PLXDC2: variants seen among roughly 807,000 people sequenced by gnomAD.
The protein encoded by PLXDC2 is plexin domain containing 2.
PLXDC2 carries 40 observed loss-of-function variants against 68.9 expected under a neutral mutation model. That is an observed-to-expected ratio of 0.58 (90% CI 0.45 to 0.76). The LOEUF (loss-of-function observed/expected upper bound fraction) is 0.76. Among genes scored for constraint, PLXDC2 ranks in the 30% least tolerant of loss-of-function variants. PLXDC2 has a pLI of 0.00. For synonymous variants in PLXDC2, 243 were observed against 234.2 expected (o/e 1.04, Z -0.34); for missense variants, 644 against 661.9 (o/e 0.97, Z 0.30).
At chr10:20,232,264 A>T (rs1835375062) in intron 12 of PLXDC2, among the ~76,000 whole-genome samples, 1 of 152,118 alleles carries the variant, frequency 6.6e-6, no homozygotes, top group Admixed American at 6.6e-5. Context: ...TACATTTCTG[A>T]TTGGAGTGTG....
intron 1 of PLXDC2, among the ~76,000 whole-genome samples, chr10:19,983,411 T>G (rs1205146092): frequency 1.3e-5 from 2 of 152,114 alleles, no homozygotes; most frequent in Non-Finnish European, 2.9e-5. Flanking sequence ...CTTCCTAAGG[T>G]TTTGTATTGT....
intron 1 of PLXDC2, among the ~76,000 whole-genome samples, chr10:19,933,305 C>A (rs147706496): frequency 1.4e-4 from 21 of 152,214 alleles, no homozygotes; most frequent in Middle Eastern, 6.8e-3. Context: ...TCAACTACAG[C>A]TTTTTATTTT....
At chr10:20,260,569 C>A (rs1835796876) in intron 13 of PLXDC2, among the ~76,000 whole-genome samples, 1 of 152,182 alleles carries the variant, frequency 6.6e-6, no homozygotes. Context: ...TGTACATATG[C>A]CACATGTTGT....
intron 4 of PLXDC2, among the ~76,000 whole-genome samples, chr10:20,103,182 ATTTTAAT>A (rs1833445132): frequency 6.6e-6 from 1 of 152,200 alleles, no homozygotes; most frequent in African/African-American, 2.4e-5. Context: ...CCCCCAAAAT[ATTTTAAT>A]TTTTATTTAT....
At chr10:20,064,905 GT>G (rs1299640989) in intron 3 of PLXDC2, among the ~76,000 whole-genome samples, 1 of 1,046 alleles carries the variant, frequency 9.6e-4, no homozygotes, top group Non-Finnish European at 1.6e-3. Flanking sequence ...TGTTTTGTTT[GT>G]TTGGTTTTTT....
chr10:20,174,200 T>C (rs1412200682), intron 7 of PLXDC2, among the ~76,000 whole-genome samples: 2 of 152,122 alleles, frequency 1.3e-5, no homozygotes, highest in African/African-American at 4.8e-5. Flanking sequence ...ATTTATTTAT[T>C]GATAAGAACT....
chr10:20,099,853 G>T, intron 4 of PLXDC2, among the ~76,000 whole-genome samples: 1 of 151,910 alleles, frequency 6.6e-6, no homozygotes, highest in South Asian at 2.1e-4. Flanking sequence ...TCATTTTAAA[G>T]TAGACATTTA....
intron 9 of PLXDC2, among the ~76,000 whole-genome samples, chr10:20,179,808 A>T (rs1232892057): frequency 6.6e-6 from 1 of 152,202 alleles, no homozygotes; most frequent in East Asian, 1.9e-4. Context: ...ATCAAACTTA[A>T]CATTTTCACA....
At chr10:19,928,589 A>C (rs147881152) in intron 1 of PLXDC2, among the ~76,000 whole-genome samples, 34 of 152,234 alleles carry the variant, frequency 2.2e-4, no homozygotes, top group African/African-American at 7.2e-4. Context: ...TCCCGTGATG[A>C]AGTGTGCCAG....
chr10:19,863,138 T>C (rs1837346322), intron 1 of PLXDC2, among the ~76,000 whole-genome samples: 1 of 152,206 alleles, frequency 6.6e-6, no homozygotes, highest in South Asian at 2.1e-4. Context: ...CATGTCATAT[T>C]TCAATTTTTA....
chr10:19,963,786 T>C (rs1404527405), intron 1 of PLXDC2, among the ~76,000 whole-genome samples: 2 of 151,792 alleles, frequency 1.3e-5, no homozygotes, highest in African/African-American at 4.8e-5. Flanking sequence ...TGTATACATA[T>C]GTAACAAACC....
rs33975315 is a variant in PLXDC2, at chr10:19,960,190, C to CA, written c.113-41560dup. Among the ~76,000 whole-genome samples, 513 of 87,244 alleles carry CA rather than the reference C, an allele frequency of 5.9e-3. 6 individuals carry two copies. Among genetic ancestry groups the CA allele is most frequent in the African/African-American group, 0.019 (404 of 21,126 alleles). The allele number at this position is 87,244 out of a possible 152,430, so 57.2% of individuals were successfully genotyped here. ...CTGGCAACATATCTAGAGCTCGTCT[C>CA]AAAAAAAAAAAAAAAAAAAAAAAAA... On this transcript the variant is annotated intron_variant, in intron 1 of 13. Transcript: ENST00000377252.
At chr10:20,263,255 G>A (rs140001660) in intron 13 of PLXDC2, among the ~76,000 whole-genome samples, 3 of 151,970 alleles carry the variant, frequency 2.0e-5, no homozygotes, top group African/African-American at 7.3e-5. Flanking sequence ...TAAACAATGG[G>A]GAAAAGACTC....
intron 1 of PLXDC2, among the ~76,000 whole-genome samples, chr10:19,937,812 G>GA (rs1564633629): frequency 1.4e-4 from 22 of 152,018 alleles, no homozygotes; most frequent in Admixed American, 3.9e-4. Flanking sequence ...CTGGTCAGAT[G>GA]GACATATGAG....
chr10:20,135,054 G>A (rs1833916983), intron 4 of PLXDC2, among the ~76,000 whole-genome samples: 1 of 152,134 alleles, frequency 6.6e-6, no homozygotes. Flanking sequence ...CCACTTAGGT[G>A]CTATAATCTC....
intron 1 of PLXDC2, among the ~76,000 whole-genome samples, chr10:19,958,443 C>T (rs772703071): frequency 2.0e-5 from 3 of 152,168 alleles, no homozygotes; most frequent in African/African-American, 4.8e-5. Context: ...ATTTGCTCTA[C>T]TGTTCTTTGA....
intron 1 of PLXDC2, among the ~76,000 whole-genome samples, chr10:19,970,239 T>A (rs1370027932): frequency 6.6e-6 from 1 of 152,248 alleles, no homozygotes; most frequent in Non-Finnish European, 1.5e-5. Context: ...CGGTCATGAA[T>A]GACTGATTTA....
chr10:19,977,394 C>G (rs1221405138), intron 1 of PLXDC2, among the ~76,000 whole-genome samples: 2 of 152,188 alleles, frequency 1.3e-5, no homozygotes, highest in African/African-American at 4.8e-5. Context: ...GGAGAACAAT[C>G]TTCTATCCAT....
intron 1 of PLXDC2, among the ~76,000 whole-genome samples, chr10:19,901,646 T>A (rs758509974): frequency 1.3e-5 from 2 of 152,344 alleles, no homozygotes; most frequent in East Asian, 3.9e-4. Context: ...ACTCTGCTGA[T>A]TATTTCTTTT....
Sources: allele counts gnomAD v4.1 joint callset (sites outside exome capture counted in the v4.1 genomes callset), GRCh38; gene constraint gnomAD v4.1.1; transcripts MANE v1.5; gene names NCBI Gene and HGNC (gene_info 2026-07-23, HGNC 2026-07-21).